The following UXT variants were observed in gnomAD, a reference collection of about 807,000 sequenced individuals.
UXT encodes the protein ubiquitously expressed prefoldin like chaperone, also known as protein UXT.
For synonymous variants in UXT, 54 were observed against 52.8 expected, an observed-to-expected ratio of 1.02 and a Z score of -0.10; for missense variants, 111 against 132.7, an observed-to-expected ratio of 0.84 and a Z score of 0.80.
intron 4 of UXT, among the ~76,000 whole-genome samples, chrX:47,656,122 G>C (rs1436334002): frequency 9.0e-6 from 1 of 111,567 alleles, no homozygotes; most frequent in Non-Finnish European, 1.9e-5. Flanking sequence ...ACACAGATCT[G>C]CTTCAATAAC....
chrX:47,658,355 CAAT>C (rs1425721185), intron 1 of UXT, among the ~76,000 whole-genome samples: 1 of 111,536 alleles, frequency 9.0e-6, no homozygotes, highest in Non-Finnish European at 1.9e-5. Flanking sequence ...ACAAAGATTG[CAAT>C]AATATTTCTT....
Position 47,658,871 on chromosome X carries a change from G to T in UXT, c.93C>A (p.Arg31=), listed in dbSNP as rs748192892. ...GCACGTCACTGATGAAGGTCTCGTA[G>T]CGCAGCACTTTCTCCCCCGTGGCCT... Residue 31 remains arginine, a synonymous_variant, in exon 1 of 6, where the codon CGC becomes CGA. Coordinates refer to ENST00000335890, the MANE Select transcript of UXT (RefSeq NM_153477.3). The T allele has an allele frequency of 5.1e-6, 6 of 1,166,551 alleles. No individual in the cohort carries two copies. The highest frequency in any genetic ancestry group is 6.0e-5 in the East Asian group (2 of 33,324).
chrX:47,657,891 C>T (rs1381942209), intron 1 of UXT, 28 bp from the exon 3 acceptor site: 3 of 1,067,533 alleles, frequency 2.8e-6, no homozygotes. Context: ...CAATGGTGAC[C>T]AATAGGCAGC....
At chrX:47,654,234 TCTCA>T (rs1270492076) in intron 4 of UXT, 1 of 222,460 alleles carries the variant, frequency 4.5e-6, no homozygotes, top group Non-Finnish European at 6.2e-6. Context: ...TGAGATGGAG[TCTCA>T]CTGTGTCGCC....
intron 4 of UXT, among the ~76,000 whole-genome samples, chrX:47,653,670 CATTT>C (rs780892030): frequency 1.5e-4 from 17 of 112,269 alleles, no homozygotes; most frequent in South Asian, 3.7e-4. Flanking sequence ...CTACATCATT[CATTT>C]GTTTATTGTT....
chrX:47,657,884 T>C (rs1440882813), intron 1 of UXT, 21 bp from the exon 3 acceptor site: 6 of 1,108,385 alleles, frequency 5.4e-6, no homozygotes, highest in Non-Finnish European at 7.2e-6. Flanking sequence ...GAAAGTACAA[T>C]GGTGACCAAT....
chrX:47,652,195 G>T, intron 4 of UXT, 51 bp from the exon 6 acceptor site: 1 of 1,066,248 alleles, frequency 9.4e-7, no homozygotes, highest in South Asian at 2.0e-5. Context: ...TGATTATGAT[G>T]ACCCTTCCTT....
rs939728541 is a variant in UXT, at chrX:47,658,916, G to A, written c.48C>T (p.Pro16=). Residue 16 remains proline (P), a synonymous_variant, in exon 1 of 6, where the codon CCC becomes CCT. Transcript: ENST00000335890. ...TGGCCTCCACCGCCCGCCGCTTAGG[G>A]GGCGTCGCCATGATGGGCTCCTGGG... is the stretch of plus-strand genomic sequence containing the variant. 8.4e-7 allele frequency: 1 copy of A among 1,194,537 alleles called. No individual in the cohort carries two copies. Among genetic ancestry groups the A allele is most frequent in the Non-Finnish European group, 1.1e-6 (1 of 885,452 alleles).
At chrX:47,657,088 G>A in intron 4 of UXT, 95 bp downstream of exon 5, 1 of 743,741 alleles carries the variant, frequency 1.3e-6, no homozygotes, top group Non-Finnish European at 2.0e-6. Flanking sequence ...GGGGAGATGA[G>A]TCCTTAAGTA....
intron 4 of UXT, 122 bp from the exon 6 acceptor site, chrX:47,652,266 A>C (rs914050638): frequency 2.3e-5 from 15 of 663,586 alleles, no homozygotes; most frequent in East Asian, 3.6e-5. Flanking sequence ...CTATGTGGAA[A>C]TGCCAAGCCA....
chrX:47,653,301 C>T (rs1215957588), intron 4 of UXT, among the ~76,000 whole-genome samples: 1 of 112,010 alleles, frequency 8.9e-6, no homozygotes, highest in African/African-American at 3.3e-5. Context: ...AGTATGAACC[C>T]ATGTATATAC....
Position 47,657,778 on chromosome X carries a change from T to C in UXT, c.216+4A>G. 8.4e-7 allele frequency: 1 copy of C among 1,190,157 alleles called. No individual in the cohort carries two copies. Among genetic ancestry groups the C allele is most frequent in the Non-Finnish European group, 1.1e-6 (1 of 885,638 alleles). On this transcript the variant is annotated splice_donor_region_variant and intron_variant, in intron 2 of 5. Transcript: ENST00000335890. Reference sequence around the variant, plus strand: ...AAAATGGTACCCAATCCCATAGTCTTTACCTGGAGTCGCTCAATGACATTT... The same window carrying C: ...AAAATGGTACCCAATCCCATAGTCTCTACCTGGAGTCGCTCAATGACATTT...
In UXT at chrX:47,659,082, G is replaced by A. The variant is rs765594299; in HGVS notation, c.-119C>T. 1.4e-5 allele frequency: 15 copies of A among 1,077,678 alleles called. No individual in the cohort carries two copies. The highest frequency in any genetic ancestry group is 7.3e-5 in the African/African-American group (4 of 54,746). The allele number at this position is 1,077,678 out of a possible 1,213,427, so 88.8% of individuals were successfully genotyped here. On this transcript the variant is annotated 5_prime_UTR_variant, in exon 1 of 6. Coordinates refer to ENST00000335890, the MANE Select transcript of UXT (RefSeq NM_153477.3). The stretch of plus-strand genomic sequence containing the variant: ...TCCGCCCCTCCCAACTCGGGGACCC[G>A]ACCACCCAGGGACACCCAAGCGCGG...
intron 4 of UXT, among the ~76,000 whole-genome samples, chrX:47,655,859 T>C (rs4824630): frequency 0.37 from 40,687 of 111,403 alleles, 6,036 homozygotes; most frequent in African/African-American, 0.56. Flanking sequence ...TTGTCCAACC[T>C]GCAACCAGTG....
chrX:47,658,809 GC>G lies in UXT; in HGVS notation c.134+20del, dbSNP rs753024215. ...CCACGTGGAATGTTCCAAACGCCCC[GC>G]CCCCCGCACTGTCACTCACCGCAAG... On this transcript the variant is annotated intron_variant, in intron 1 of 5. Coordinates refer to ENST00000335890, the MANE Select transcript of UXT (RefSeq NM_153477.3). 8.9e-7 allele frequency: 1 copy of G among 1,124,515 alleles called. No individual in the cohort carries two copies. Among genetic ancestry groups the G allele is most frequent in the Admixed American group, 3.1e-5 (1 of 32,043 alleles). The allele number at this position is 1,124,515 out of a possible 1,213,427, so 92.7% of individuals were successfully genotyped here.
chrX:47,653,508 C>T (rs1363149642), intron 4 of UXT, among the ~76,000 whole-genome samples: 1 of 111,533 alleles, frequency 9.0e-6, no homozygotes, highest in East Asian at 2.8e-4. Context: ...CAACTCCATC[C>T]CTCCAGTTGC....
At chrX:47,657,691 G>A in intron 2 of UXT, 52 bp from the exon 4 acceptor site, 2 of 1,188,987 alleles carry the variant, frequency 1.7e-6, no homozygotes, top group Non-Finnish European at 2.3e-6. Context: ...TCTTAGGTCA[G>A]GTGACAGGGT....
Position 47,659,043 on chromosome X carries a change from T to G in UXT, c.-80A>C. The G allele has an allele frequency of 8.4e-7, 1 of 1,191,572 alleles. No individual in the cohort carries two copies. Among genetic ancestry groups the G allele is most frequent in the Non-Finnish European group, 1.1e-6 (1 of 880,344 alleles). On this transcript the variant is annotated 5_prime_UTR_variant, in exon 1 of 6. Coordinates refer to ENST00000335890, the MANE Select transcript of UXT (RefSeq NM_153477.3). ...GGGAATCGGCTTGTCCGGCTCAAGC[T>G]GGAGGTTCAGCCTTCCGCCCCTCCC... is the stretch of plus-strand genomic sequence containing the variant.
At chrX:47,657,759 G>A (rs373556503) in intron 2 of UXT, 23 bp downstream of exon 3, 2 of 1,194,898 alleles carry the variant, frequency 1.7e-6, no homozygotes, top group Non-Finnish European at 2.3e-6. Flanking sequence ...CAAAAAAATG[G>A]TACCCAATCC....
Sources: allele counts gnomAD v4.1 joint callset (sites outside exome capture counted in the v4.1 genomes callset), GRCh38; gene constraint gnomAD v4.1.1; transcripts MANE v1.5; gene names NCBI Gene and HGNC (gene_info 2026-07-23, HGNC 2026-07-21).